ABCA4: variants seen among roughly 807,000 people sequenced by gnomAD.
ABCA4 encodes the protein retinal-specific phospholipid-transporting ATPase ABCA4.
A neutral mutation model predicts 263.7 loss-of-function variants in ABCA4; 196 were observed. The ratio of observed to expected loss-of-function variants is 0.74; its 90% confidence interval spans 0.66 to 0.84. The LOEUF is 0.84. Ranked by LOEUF, ABCA4 falls within the 40% of genes least tolerant of loss-of-function variation. The pLI is 0.00. For missense variants in ABCA4, 2,792 were observed against 2,855.1 expected (o/e 0.98, Z 0.50); for synonymous variants, 1,133 against 1,094.2 (o/e 1.04, Z -0.70).
chr1:94,029,773 G>T, intron 29 of ABCA4, 142 bp from the exon 30 acceptor site: 2 of 842,628 alleles, frequency 2.4e-6, no homozygotes, highest in Non-Finnish European at 3.8e-6. Flanking sequence ...GCTGGTTTCT[G>T]CTCAAGCAAT....
chr1:94,030,260 T>C lies in ABCA4; in HGVS notation c.4352+168A>G, dbSNP rs4147843. On this transcript the variant is annotated intron_variant, in intron 29 of 49. Transcript: ENST00000370225. Reference sequence around the variant, plus strand: ...CTTCCTAGGAGGTAGTGAATGTCCCTGCACACAAGTGTGGAAGGAGAGGTT... The same window carrying C: ...CTTCCTAGGAGGTAGTGAATGTCCCCGCACACAAGTGTGGAAGGAGAGGTT... Among the ~76,000 whole-genome samples the C allele has an allele frequency of 0.56, 84,461 of 152,014 alleles. 23,706 individuals are homozygous for C. The highest frequency in any genetic ancestry group is 0.62 in the African/African-American group (25,740 of 41,450).
intron 38 of ABCA4, 45 bp downstream of exon 38, chr1:94,014,498 A>G (rs778927286): frequency 1.9e-6 from 3 of 1,605,930 alleles, no homozygotes; most frequent in South Asian, 1.1e-5. Flanking sequence ...CACATACTCT[A>G]CTATCCTACT....
rs1452638406 is a variant in ABCA4, at chr1:94,111,481, G to C, written c.259C>G (p.Pro87Ala). 6.2e-7 allele frequency: 1 copy of C among 1,614,072 alleles called. No homozygotes were observed. Among genetic ancestry groups the C allele is most frequent in the African/African-American group, 1.3e-5 (1 of 74,934 alleles). ...GACACAATTCCAGGAGATTCTCCTG[G>C]GGTGGGGCTTTGAAAACAGGGATTG... is the stretch of plus-strand genomic sequence containing the variant. ...VNNPCFQSPTPGESPGIVSNY... is the reference protein window; with the variant it reads ...VNNPCFQSPTAGESPGIVSNY... The change falls in exon 3 of 50, where the codon CCA becomes GCA. Residue 87 changes from proline to alanine, a missense_variant. By Grantham distance (27) the Pro-to-Ala change is conservative. Transcript: ENST00000370225.
At chr1:94,046,473 A>AAAAAAAAAAAAG (rs71094277) in intron 19 of ABCA4, among the ~76,000 whole-genome samples, 160 of 120,738 alleles carry the variant, frequency 1.3e-3, no homozygotes, top group Non-Finnish European at 2.3e-3. Flanking sequence ...AAAAAAAAAA[A>AAAAAAAAAAAAG]AAAGAAAAGA....
intron 14 of ABCA4, 56 bp from the exon 15 acceptor site, chr1:94,056,878 A>C: frequency 9.8e-6 from 14 of 1,424,544 alleles, no homozygotes; most frequent in Non-Finnish European, 1.3e-5. Context: ...ACGCCTTCTC[A>C]TTCTGCCCTA....
rs910465589 is a variant in ABCA4, at chr1:94,052,499, C to T, written c.2588-801G>A. ...CACCGCTCTGTTCCCAGAACCTGGC[C>T]CTGCTGAGCCTCATGCACAGGTGCT... is the stretch of plus-strand genomic sequence containing the variant. On this transcript the variant is annotated intron_variant, in intron 16 of 49. Transcript: ENST00000370225. 2.6e-5 allele frequency among the ~76,000 whole-genome samples: 4 copies of T among 152,146 alleles called. No homozygotes were observed. In the East Asian group the frequency reaches 7.7e-4, roughly 29 times the overall value.
intron 30 of ABCA4, 114 bp from the exon 31 acceptor site, chr1:94,025,162 A>C: frequency 1.2e-6 from 1 of 868,122 alleles, no homozygotes; most frequent in Non-Finnish European, 2.0e-6. Context: ...TGCTGAGAAA[A>C]TACTAAATAA....
At chr1:94,085,320 G>A (rs1184572347) in intron 6 of ABCA4, among the ~76,000 whole-genome samples, 1 of 152,104 alleles carries the variant, frequency 6.6e-6, no homozygotes, top group Non-Finnish European at 1.5e-5. Flanking sequence ...ATCCATGGGA[G>A]CTCATTTTAT....
At chr1:94,064,060 T>G (rs1661202535) in intron 11 of ABCA4, among the ~76,000 whole-genome samples, 1 of 152,244 alleles carries the variant, frequency 6.6e-6, no homozygotes, top group Non-Finnish European at 1.5e-5. Flanking sequence ...TCTATTTCCT[T>G]TTCTTTAACC....
chr1:94,061,116 C>T lies in ABCA4; in HGVS notation c.1938-357G>A, dbSNP rs4147834. ...TGGATGGGATCTGAGTAGACAGCTA[C>T]ATGCTGACACTGAAACCCAAGAGGG... On this transcript the variant is annotated intron_variant, in intron 13 of 49. Coordinates refer to ENST00000370225, the MANE Select transcript of ABCA4 (RefSeq NM_000350.3). Among the ~76,000 whole-genome samples the T allele has an allele frequency of 7.0e-3, 1,066 of 152,314 alleles. 29 individuals carry two copies. Among genetic ancestry groups the T allele is most frequent in the Admixed American group, 0.046 (711 of 15,298 alleles).
Position 94,037,290 on chromosome 1 carries a change from T to G in ABCA4, c.3668A>C (p.Glu1223Ala). Residue 1223 changes from glutamate to alanine, a missense_variant, in exon 25 of 50, where the codon GAG becomes GCG. Glu to Ala is a moderately radical substitution (Grantham distance 107). Transcript: ENST00000370225. ...LHHVPEAKLV[E>A]CIGQELIFLL... ...GAAGATAAGTTCTTGACCAATGCAC[T>G]CCACCAGCTTTGCCTCTGGAACATG... 10 of 1,614,214 alleles carry G rather than the reference T, an allele frequency of 6.2e-6. No homozygotes were observed. Among genetic ancestry groups the G allele is most frequent in the Non-Finnish European group, 7.6e-6 (9 of 1,180,034 alleles).
At chr1:94,076,805 C>T (rs758606966) in intron 11 of ABCA4, among the ~76,000 whole-genome samples, 2 of 152,084 alleles carry the variant, frequency 1.3e-5, no homozygotes, top group African/African-American at 4.8e-5. Context: ...AATGGGCTGG[C>T]GCAGAGATGA....
intron 44 of ABCA4, among the ~76,000 whole-genome samples, chr1:94,003,439 T>A (rs1659249560): frequency 6.6e-6 from 1 of 152,104 alleles, no homozygotes; most frequent in South Asian, 2.1e-4. Flanking sequence ...ATCTCCAATC[T>A]GGATTCTACA....
intron 18 of ABCA4, among the ~76,000 whole-genome samples, chr1:94,048,464 T>C (rs536603087): frequency 6.6e-6 from 1 of 152,346 alleles, no homozygotes; most frequent in Non-Finnish European, 1.5e-5. Flanking sequence ...TCAGCTCCCC[T>C]GGAGTCTCTT....
At chr1:94,083,744 T>C (rs1244463291) in intron 6 of ABCA4, among the ~76,000 whole-genome samples, 1 of 152,228 alleles carries the variant, frequency 6.6e-6, no homozygotes, top group African/African-American at 2.4e-5. Context: ...CCAAACAAGA[T>C]TCCTGGAGGA....
intron 16 of ABCA4, among the ~76,000 whole-genome samples, chr1:94,052,828 G>A (rs935960303): frequency 6.6e-6 from 1 of 152,162 alleles, no homozygotes; most frequent in African/African-American, 2.4e-5. Context: ...GGAATTTCCT[G>A]GCAGAAAGGA....
chr1:94,058,079 C>G (rs1661027265), intron 14 of ABCA4, among the ~76,000 whole-genome samples: 1 of 152,198 alleles, frequency 6.6e-6, no homozygotes, highest in African/African-American at 2.4e-5. Context: ...GCTGCCATTT[C>G]TCCTTTCTGC....
chr1:94,086,780 T>C (rs1290567381), intron 6 of ABCA4, among the ~76,000 whole-genome samples: 1 of 152,188 alleles, frequency 6.6e-6, no homozygotes, highest in Non-Finnish European at 1.5e-5. Flanking sequence ...CACATCAGCA[T>C]ATGTGGCAGC....
At chr1:94,111,925 G>C (rs1405992323) in intron 2 of ABCA4, among the ~76,000 whole-genome samples, 1 of 152,232 alleles carries the variant, frequency 6.6e-6, no homozygotes, top group African/African-American at 2.4e-5. Flanking sequence ...GCTGCTGCTT[G>C]AGCAGACGCT....
Sources: gnomAD v4.1 joint callset for allele counts (sites outside exome capture counted in the v4.1 genomes callset) on GRCh38, gnomAD v4.1.1 for gene constraint, MANE v1.5 for transcripts, NCBI Gene and HGNC (gene_info 2026-07-23, HGNC 2026-07-21) for gene names.